Variants in CRACDL observed in about 807,000 individuals in gnomAD.
The protein encoded by CRACDL is CRACD-like protein.
Under a neutral mutation model 70.6 loss-of-function variants are expected in CRACDL, and 26 were observed. The observed-to-expected ratio is 0.37, with a 90% CI of 0.27 to 0.51. The LOEUF (loss-of-function observed/expected upper bound fraction) is 0.51. CRACDL is among the 20% of genes least tolerant of loss of function. The pLI, the probability that CRACDL is intolerant of heterozygous loss-of-function variation, is 0.94. For synonymous variants in CRACDL, 618 were observed against 615.2 expected (o/e 1.00, Z -0.07); for missense variants, 1,283 against 1,376.9 (o/e 0.93, Z 1.08).
intron 1 of CRACDL, among the ~76,000 whole-genome samples, chr2:98,860,242 A>G (rs759769724): frequency 6.6e-6 from 1 of 152,230 alleles, no homozygotes; most frequent in Non-Finnish European, 1.5e-5. Flanking sequence ...TACAGAATCA[A>G]TGCAACCTTT....
chr2:98,918,190 T>C lies in CRACDL; in HGVS notation c.-11+17748A>G, dbSNP rs147042621. ...GTTCTATTTTCAGTTCTTTGAGAAA[T>C]CTCCACACTGTTTTCCATACAGCTT... On this transcript the variant is annotated intron_variant, in intron 1 of 9. Transcript: ENST00000397899. Among the ~76,000 whole-genome samples, 381 of 152,260 alleles carry C rather than the reference T, an allele frequency of 2.5e-3. 4 individuals are homozygous for C. Among genetic ancestry groups the C allele is most frequent in the African/African-American group, 8.8e-3 (366 of 41,540 alleles).
At chr2:98,844,364 T>C (rs1642648623) in intron 2 of CRACDL, among the ~76,000 whole-genome samples, 2 of 152,354 alleles carry the variant, frequency 1.3e-5, no homozygotes, top group African/African-American at 2.4e-5. Context: ...AGTTGTTTTA[T>C]AGGATGTATT....
chr2:98,822,468 C>G lies in CRACDL; in HGVS notation c.1805G>C (p.Arg602Thr). 1.4e-6 allele frequency: 2 copies of G among 1,475,832 alleles called. No individual in the cohort carries two copies. The highest frequency in any genetic ancestry group is 1.8e-6 in the Non-Finnish European group (2 of 1,121,452). The allele number at this position is 1,475,832 out of a possible 1,614,324, so 91.4% of individuals were successfully genotyped here. Residue 602 changes from arginine to threonine, a missense_variant, in exon 7 of 10, where the codon AGG becomes ACG. Physicochemically the swap from Arg to Thr is moderately conservative, Grantham distance 71. Coordinates refer to ENST00000397899, the MANE Select transcript of CRACDL (RefSeq NM_207362.3). The surrounding 1 kb of genome is among the most constrained non-coding windows in gnomAD (Gnocchi z 4.9). Reference sequence around the variant, plus strand: ...CTCGCTCCTCCAGACCGGGCCGCTCCTCGCGAGGGGCAGGCGGCCGCTGGC... The same window carrying G: ...CTCGCTCCTCCAGACCGGGCCGCTCGTCGCGAGGGGCAGGCGGCCGCTGGC... ...ERASGRLPLA[R>T]SGPVWRSEAA...
chr2:98,889,207 A>G (rs1707884627), intron 1 of CRACDL, among the ~76,000 whole-genome samples: 1 of 150,772 alleles, frequency 6.6e-6, no homozygotes, highest in Non-Finnish European at 1.5e-5. Flanking sequence ...AAAAGAAGGA[A>G]GGAAGGGGAA....
intron 9 of CRACDL, among the ~76,000 whole-genome samples, chr2:98,795,073 A>ATTT (rs1468056572): frequency 6.5e-4 from 13 of 20,088 alleles, no homozygotes; most frequent in East Asian, 1.2e-3. Flanking sequence ...ATATATATAT[A>ATTT]TATATTTTTT....
chr2:98,804,746 G>T (rs1246533813), intron 7 of CRACDL, among the ~76,000 whole-genome samples: 1 of 152,192 alleles, frequency 6.6e-6, no homozygotes, highest in African/African-American at 2.4e-5. Flanking sequence ...TGTGTTCGGT[G>T]TCAATGCGTC....
chr2:98,915,029 G>T (rs1243643351), intron 1 of CRACDL, among the ~76,000 whole-genome samples: 1 of 152,244 alleles, frequency 6.6e-6, no homozygotes, highest in Non-Finnish European at 1.5e-5. Context: ...ACCAGCCTCT[G>T]TTCACAGTCA....
chr2:98,832,228 C>G (rs1304939309), intron 5 of CRACDL, 120 bp downstream of exon 5: 5 of 1,010,892 alleles, frequency 4.9e-6, no homozygotes, highest in South Asian at 2.6e-5. Context: ...TCCAGTGACC[C>G]AGTTGGCCAC....
At chr2:98,876,902 G>A (rs571984101) in intron 1 of CRACDL, among the ~76,000 whole-genome samples, 1 of 152,332 alleles carries the variant, frequency 6.6e-6, no homozygotes, top group African/African-American at 2.4e-5. Flanking sequence ...TAAATGCATT[G>A]TAAGTCTACT....
At chr2:98,899,406 A>G (rs1377084819) in intron 1 of CRACDL, among the ~76,000 whole-genome samples, 1 of 152,256 alleles carries the variant, frequency 6.6e-6, no homozygotes, top group Non-Finnish European at 1.5e-5. Context: ...AGGAGTCTCC[A>G]CCAGAAAGAG....
chr2:98,906,982 A>T (rs1260599103), intron 1 of CRACDL, among the ~76,000 whole-genome samples: 1 of 151,964 alleles, frequency 6.6e-6, no homozygotes, highest in Non-Finnish European at 1.5e-5. Flanking sequence ...AGGTCTCCTC[A>T]CTCTAGCAGA....
intron 7 of CRACDL, among the ~76,000 whole-genome samples, chr2:98,812,962 A>AT (rs1479223770): frequency 2.0e-5 from 3 of 151,722 alleles, no homozygotes; most frequent in South Asian, 2.1e-4. Flanking sequence ...ATTTTCTCAT[A>AT]TTTTTTTCTA....
intron 9 of CRACDL, among the ~76,000 whole-genome samples, chr2:98,795,843 G>A (rs1286488260): frequency 1.3e-5 from 2 of 152,156 alleles, no homozygotes; most frequent in Admixed American, 6.5e-5. Context: ...TAGGATACAG[G>A]TAATTTTCCA....
chr2:98,820,524 A>G (rs1007673157), intron 7 of CRACDL, among the ~76,000 whole-genome samples: 6 of 152,202 alleles, frequency 3.9e-5, no homozygotes, highest in Non-Finnish European at 8.8e-5. Flanking sequence ...ACAGAGTGAG[A>G]CGGAGTCTCA....
At chr2:98,849,962 A>G (rs1706416092) in intron 1 of CRACDL, among the ~76,000 whole-genome samples, 1 of 152,208 alleles carries the variant, frequency 6.6e-6, no homozygotes, top group Non-Finnish European at 1.5e-5. Context: ...TGAAACCAGG[A>G]CATGGCATGC....
At chr2:98,853,644 T>A (rs1706573080) in intron 1 of CRACDL, among the ~76,000 whole-genome samples, 2 of 152,184 alleles carry the variant, frequency 1.3e-5, no homozygotes, top group Admixed American at 1.3e-4. Flanking sequence ...CGTGTTTTTC[T>A]TTTCTAAATT....
intron 5 of CRACDL, among the ~76,000 whole-genome samples, chr2:98,828,525 C>T (rs778198936): frequency 3.3e-5 from 5 of 152,136 alleles, no homozygotes; most frequent in African/African-American, 4.8e-5. Flanking sequence ...CCCTGGGACC[C>T]CCACACAGAG....
chr2:98,874,455 C>T (rs905897173), intron 1 of CRACDL, among the ~76,000 whole-genome samples: 1 of 152,214 alleles, frequency 6.6e-6, no homozygotes, highest in Non-Finnish European at 1.5e-5. Context: ...AGGCTCCGCA[C>T]GGGCTGCTGG....
intron 1 of CRACDL, among the ~76,000 whole-genome samples, chr2:98,930,560 A>C (rs1573215446): frequency 8.2e-6 from 1 of 121,940 alleles, no homozygotes; most frequent in Non-Finnish European, 1.7e-5. Flanking sequence ...CTCTGACCCC[A>C]CCCTATCCTA....
Sources: gnomAD v4.1 joint callset for allele counts (sites outside exome capture counted in the v4.1 genomes callset) on GRCh38, gnomAD v4.1.1 for gene constraint, Gnocchi (gnomAD v3.1) non-coding constraint, MANE v1.5 for transcripts, NCBI Gene and HGNC (gene_info 2026-07-23, HGNC 2026-07-21) for gene names.